The following STXBP5L variants were observed in gnomAD, a reference collection of about 807,000 sequenced individuals.
The protein encoded by STXBP5L is syntaxin-binding protein 5-like.
A neutral mutation model predicts 144.5 loss-of-function variants in STXBP5L; 65 were observed. That is an observed-to-expected ratio of 0.45 (90% CI 0.37 to 0.55). STXBP5L has a LOEUF of 0.55. Ranked by LOEUF, STXBP5L falls within the 20% of genes least tolerant of loss-of-function variation. The probability of loss-of-function intolerance (pLI) is 0.00; values close to 1 mark genes in which losing one functional copy is unlikely to be tolerated. For synonymous variants in STXBP5L, 505 were observed against 469.6 expected (o/e 1.08, Z -0.97); for missense variants, 1,298 against 1,405.5 (o/e 0.92, Z 1.22).
chr3:121,349,844 A>T (rs1298762694), intron 20 of STXBP5L, among the ~76,000 whole-genome samples: 1 of 151,876 alleles, frequency 6.6e-6, no homozygotes, highest in Non-Finnish European at 1.5e-5. Context: ...TTTTGAGCCT[A>T]TGTCTGTCTC....
chr3:121,183,215 C>T lies in STXBP5L; in HGVS notation c.878-22708C>T, dbSNP rs117618282. On this transcript the variant is annotated intron_variant, in intron 9 of 26. Coordinates refer to ENST00000471454, the MANE Select transcript of STXBP5L (RefSeq NM_001308330.2). ...TGAATAGGGAAAAGATGAAAGCATTCGCCCTGAAAACTAGAACAATACAAG... is the reference window on the plus strand; with the variant it reads ...TGAATAGGGAAAAGATGAAAGCATTTGCCCTGAAAACTAGAACAATACAAG... Among the ~76,000 whole-genome samples, 187 of 152,256 alleles carry T rather than the reference C, an allele frequency of 1.2e-3. 3 individuals are homozygous for T. The East Asian group carries it at 0.019, about 15-fold the overall frequency.
chr3:121,066,717 G>A lies in STXBP5L; in HGVS notation c.470+21182G>A, dbSNP rs184831283. ...TCCCCTGTCAAGTTCTCACTTCATA[G>A]TTATGTCGACTTTATGAAATGAATG... On this transcript the variant is annotated intron_variant, in intron 5 of 26. Coordinates refer to ENST00000471454, the MANE Select transcript of STXBP5L (RefSeq NM_001308330.2). Among the ~76,000 whole-genome samples the A allele has an allele frequency of 2.6e-5, 4 of 152,048 alleles. No individual in the cohort carries two copies. In the East Asian group the frequency reaches 7.7e-4, roughly 29 times the overall value.
intron 3 of STXBP5L, among the ~76,000 whole-genome samples, chr3:121,023,714 A>G (rs976286865): frequency 2.6e-5 from 4 of 152,218 alleles, no homozygotes; most frequent in Non-Finnish European, 5.9e-5. Context: ...CTCTCACTTT[A>G]TACAAAAATC....
chr3:121,235,004 T>A lies in STXBP5L; in HGVS notation c.1184+1316T>A, dbSNP rs183391291. Among the ~76,000 whole-genome samples the A allele has an allele frequency of 3.2e-3, 480 of 151,432 alleles. 11 individuals are homozygous for A. The East Asian group carries it at 0.054, about 17-fold the overall frequency. On this transcript the variant is annotated intron_variant, in intron 12 of 26. Coordinates refer to ENST00000471454, the MANE Select transcript of STXBP5L (RefSeq NM_001308330.2). ...CTTTCTTCAGTATATATATATATATTTTTTTATTTAAATTTTGTTTTATTG... is the reference window on the plus strand; with the variant it reads ...CTTTCTTCAGTATATATATATATATATTTTTATTTAAATTTTGTTTTATTG...
chr3:121,109,740 C>G (rs953810483), intron 5 of STXBP5L, among the ~76,000 whole-genome samples: 2 of 152,070 alleles, frequency 1.3e-5, no homozygotes, highest in South Asian at 2.1e-4. Flanking sequence ...CCAACTTAAG[C>G]CAGAGCTGAG....
intron 22 of STXBP5L, among the ~76,000 whole-genome samples, chr3:121,393,295 G>A (rs1473458842): frequency 6.7e-6 from 1 of 149,972 alleles, no homozygotes; most frequent in Admixed American, 6.7e-5. Context: ...TTTCCTTTTT[G>A]AATTGCTTGA....
chr3:121,044,816 G>A (rs1167922964), intron 4 of STXBP5L, among the ~76,000 whole-genome samples: 4 of 152,038 alleles, frequency 2.6e-5, no homozygotes, highest in Non-Finnish European at 4.4e-5. Context: ...TGTATTTGGT[G>A]GTGCTGTATA....
intron 20 of STXBP5L, among the ~76,000 whole-genome samples, chr3:121,335,043 A>G (rs2044456333): frequency 6.6e-6 from 1 of 152,228 alleles, no homozygotes; most frequent in Non-Finnish European, 1.5e-5. Context: ...ACATGATTTT[A>G]TATCTAGAAA....
intron 18 of STXBP5L, among the ~76,000 whole-genome samples, chr3:121,259,810 G>GT (rs965365440): frequency 2.7e-4 from 40 of 146,314 alleles, no homozygotes; most frequent in Admixed American, 1.2e-3. Flanking sequence ...GTTGTTCCTG[G>GT]TTTTTTTTTT....
chr3:121,357,105 G>T, intron 20 of STXBP5L: 1 of 164,910 alleles, frequency 6.1e-6, no homozygotes, highest in South Asian at 1.7e-4. Flanking sequence ...TAAGAAGAAT[G>T]GGAGCCAATA....
At chr3:121,021,103 G>A (rs1013326685) in intron 3 of STXBP5L, among the ~76,000 whole-genome samples, 2 of 150,710 alleles carry the variant, frequency 1.3e-5, no homozygotes, top group African/African-American at 4.9e-5. Context: ...GACACCAGAA[G>A]CAAGCAGGAG....
intron 3 of STXBP5L, among the ~76,000 whole-genome samples, chr3:120,962,526 A>G (rs1938972968): frequency 6.6e-6 from 1 of 152,182 alleles, no homozygotes; most frequent in African/African-American, 2.4e-5. Flanking sequence ...TCATTTATTA[A>G]ATAGGGAATC....
At chr3:121,079,436 T>G (rs1412994202) in intron 5 of STXBP5L, among the ~76,000 whole-genome samples, 1 of 152,246 alleles carries the variant, frequency 6.6e-6, no homozygotes, top group Non-Finnish European at 1.5e-5. Context: ...AGGTTCACTG[T>G]CCACAGCGAG....
intron 18 of STXBP5L, among the ~76,000 whole-genome samples, chr3:121,264,915 T>A (rs1291389310): frequency 6.6e-6 from 1 of 151,682 alleles, no homozygotes; most frequent in East Asian, 1.9e-4. Context: ...AAGGGATCAA[T>A]GTAGCAAGAA....
chr3:121,286,379 A>G (rs1251675708), intron 19 of STXBP5L, among the ~76,000 whole-genome samples: 1 of 152,216 alleles, frequency 6.6e-6, no homozygotes, highest in Non-Finnish European at 1.5e-5. Flanking sequence ...AAATCAGCAA[A>G]AATTATGGTA....
chr3:121,185,244 G>T (rs950209333), intron 9 of STXBP5L, among the ~76,000 whole-genome samples: 4 of 152,162 alleles, frequency 2.6e-5, no homozygotes, highest in African/African-American at 9.7e-5. Flanking sequence ...CCATTCTGTA[G>T]GTTGCCTGTT....
chr3:121,150,202 A>T (rs2045883395), intron 7 of STXBP5L, among the ~76,000 whole-genome samples: 1 of 151,996 alleles, frequency 6.6e-6, no homozygotes, highest in African/African-American at 2.4e-5. Flanking sequence ...TTTTTCAGAC[A>T]CTAGTGTAGG....
At chr3:121,055,995 G>C (rs942375523) in intron 5 of STXBP5L, among the ~76,000 whole-genome samples, 4 of 151,774 alleles carry the variant, frequency 2.6e-5, no homozygotes, top group Non-Finnish European at 5.9e-5. Flanking sequence ...GCTTGGCCTG[G>C]GGTCTCACTG....
intron 9 of STXBP5L, among the ~76,000 whole-genome samples, chr3:121,201,036 C>T (rs942473698): frequency 3.3e-5 from 5 of 152,060 alleles, no homozygotes; most frequent in African/African-American, 1.2e-4. Context: ...CCTGAATATC[C>T]TTGTTAATTT....
Sources: allele counts gnomAD v4.1 joint callset (sites outside exome capture counted in the v4.1 genomes callset), GRCh38; gene constraint gnomAD v4.1.1; transcripts MANE v1.5; gene names NCBI Gene and HGNC (gene_info 2026-07-23, HGNC 2026-07-21).